The following STK31 variants were observed in gnomAD, a reference collection of about 807,000 sequenced individuals.
STK31 encodes the protein serine/threonine kinase 31, also known as serine/threonine-protein kinase 31.
Under a neutral mutation model 129.7 loss-of-function variants are expected in STK31, and 89 were observed. The ratio of observed to expected loss-of-function variants is 0.69; its 90% CI spans 0.58 to 0.82. STK31 has a LOEUF of 0.82. STK31 is among the 40% of genes least tolerant of loss of function. The probability of loss-of-function intolerance (pLI) is 0.00; values close to 1 mark genes in which losing one functional copy is unlikely to be tolerated. For missense variants in STK31, 1,187 were observed against 1,176.4 expected (o/e 1.01, Z -0.13); for synonymous variants, 448 against 395.3 (o/e 1.13, Z -1.58).
At position 23,777,515 on chromosome 7, in the gene STK31, T is replaced by C. The variant is rs368485376; in HGVS notation, c.1966-3904T>C. ...TGCTTTATGAATCTGGGTGCTCCTG[T>C]ATTGGGTGCATATATATTTAAGACA... On this transcript the variant is annotated intron_variant, in intron 15 of 23. Coordinates refer to ENST00000355870, the MANE Select transcript of STK31 (RefSeq NM_031414.5). Among the ~76,000 whole-genome samples the C allele has an allele frequency of 1.8e-4, 27 of 152,340 alleles. No homozygotes were observed. In the East Asian group the frequency reaches 5.2e-3, roughly 29 times the overall value.
chr7:23,715,386 T>C (rs1786246412), intron 3 of STK31, among the ~76,000 whole-genome samples: 1 of 150,582 alleles, frequency 6.6e-6, no homozygotes, highest in African/African-American at 2.4e-5. Context: ...GGGAGACCTA[T>C]GTGAGAGGAT....
In STK31 at chr7:23,730,872, A is replaced by ATTTTT. The variant is rs1455690740; in HGVS notation, c.483+1624_483+1625insTTTTT. 1.8e-3 allele frequency among the ~76,000 whole-genome samples: 101 copies of ATTTTT among 56,056 alleles called. 1 individual carries two copies. Among genetic ancestry groups the ATTTTT allele is most frequent in the Non-Finnish European group, 2.7e-3 (74 of 27,526 alleles). 36.8% of individuals were successfully genotyped at this position (56,056 alleles called of 152,430 possible). A position where few individuals can be genotyped will look rare whatever the true frequency, so the allele number is the denominator to read the frequency against. On this transcript the variant is annotated intron_variant, in intron 6 of 23. Coordinates refer to ENST00000355870, the MANE Select transcript of STK31 (RefSeq NM_031414.5). Reference sequence around the variant, plus strand: ...TATAAACATTTATATATATATATATATATATATTTTTTTTTTTTTTTTTTG... The same window carrying ATTTTT: ...TATAAACATTTATATATATATATATATTTTTTATATATTTTTTTTTTTTTTTTTTG...
chr7:23,779,168 G>A (rs1790749633), intron 15 of STK31, among the ~76,000 whole-genome samples: 2 of 152,308 alleles, frequency 1.3e-5, no homozygotes, highest in South Asian at 4.1e-4. Context: ...CACCAGTGGA[G>A]ACTGCAGAAC....
rs369682478 is a variant in STK31, at chr7:23,790,854, G to C, written c.2668G>C (p.Gly890Arg). Residue 890 changes from glycine (G) to arginine (R), a missense_variant, in exon 22 of 24, where the codon GGT becomes CGT. Gly to Arg is a moderately radical substitution (Grantham distance 125). Transcript: ENST00000355870. ...GCGAGCCTCGGTGAACATGATGGTT[G>C]GTGACTTGAGTTTGATGTCACCTGA... is the stretch of plus-strand genomic sequence containing the variant. ...SQRASVNMMVGDLSLMSPELK... is the reference protein window; with the variant it reads ...SQRASVNMMVRDLSLMSPELK... 31 of 1,606,672 alleles carry C rather than the reference G, an allele frequency of 1.9e-5. No homozygotes were observed. Among genetic ancestry groups the C allele is most frequent in the Admixed American group, 6.9e-5 (4 of 57,988 alleles).
chr7:23,831,851 C>T (rs754385263), intron 23 of STK31, among the ~76,000 whole-genome samples: 4 of 152,148 alleles, frequency 2.6e-5, no homozygotes, highest in Admixed American at 6.5e-5. Context: ...GTCTTGAACT[C>T]CTGACCGCAG....
chr7:23,741,475 C>T lies in STK31; in HGVS notation c.1017+4397C>T, dbSNP rs186746994. On this transcript the variant is annotated intron_variant, in intron 8 of 23. Transcript: ENST00000355870. ...ATAAATTTTGACGTATGTATACTCT[C>T]ATGTAACCTGAATCACCCTCATCAA... 1.1e-3 allele frequency among the ~76,000 whole-genome samples: 165 copies of T among 152,274 alleles called. 1 individual carries two copies. In the Middle Eastern group the frequency reaches 0.014, roughly 13 times the overall value.
intron 10 of STK31, among the ~76,000 whole-genome samples, chr7:23,758,812 G>T (rs780887722): frequency 6.6e-6 from 1 of 152,080 alleles, no homozygotes; most frequent in Non-Finnish European, 1.5e-5. Context: ...AAATGTAAAT[G>T]GGCCAAATGC....
intron 23 of STK31, among the ~76,000 whole-genome samples, chr7:23,819,895 C>G (rs962782057): frequency 3.3e-5 from 5 of 152,168 alleles, no homozygotes; most frequent in Middle Eastern, 3.4e-3. Flanking sequence ...ATAATGATAG[C>G]AGCAGTAGAG....
intron 8 of STK31, among the ~76,000 whole-genome samples, chr7:23,749,353 T>C (rs1276457819): frequency 6.6e-6 from 1 of 150,520 alleles, no homozygotes; most frequent in African/African-American, 2.4e-5. Context: ...TGTTTTTTTT[T>C]TTTTTTTGAG....
At chr7:23,786,396 A>G in intron 18 of STK31, 112 bp from the exon 19 acceptor site, 1 of 1,152,292 alleles carries the variant, frequency 8.7e-7, no homozygotes, top group Non-Finnish European at 1.1e-6. Flanking sequence ...TTAAAAAATA[A>G]AATTAGATTT....
chr7:23,814,159 T>TTTTTTTTTTTTTTTTTTTTG (rs1374568990), intron 22 of STK31, among the ~76,000 whole-genome samples: 1 of 146,640 alleles, frequency 6.8e-6, no homozygotes. Context: ...ATTTTTTTTT[T>TTTTTTTTTTTTTTTTTTTTG]TTTTTCAGTT....
chr7:23,737,102 A>G (rs749445461), intron 8 of STK31, 24 bp downstream of exon 8: 6 of 1,558,280 alleles, frequency 3.9e-6, no homozygotes, highest in African/African-American at 1.4e-5. Flanking sequence ...CTTAAGGTGA[A>G]GAGTGTCCAA....
At chr7:23,828,696 G>A (rs1416934792) in intron 23 of STK31, among the ~76,000 whole-genome samples, 3 of 152,174 alleles carry the variant, frequency 2.0e-5, no homozygotes, top group South Asian at 2.1e-4. Flanking sequence ...CACGCTGGGA[G>A]CTGTAGACTG....
intron 23 of STK31, among the ~76,000 whole-genome samples, chr7:23,825,280 G>C (rs914995705): frequency 3.1e-4 from 47 of 152,300 alleles, no homozygotes; most frequent in Non-Finnish European, 7.4e-5. Context: ...TTCAGAGCCT[G>C]TTATTGGTCT....
intron 6 of STK31, among the ~76,000 whole-genome samples, chr7:23,730,326 G>C (rs1787327485): frequency 6.6e-6 from 1 of 152,176 alleles, no homozygotes; most frequent in Non-Finnish European, 1.5e-5. Context: ...TGAGAATCTT[G>C]TAGGTGTGTT....
At chr7:23,808,982 T>TGTGTG (rs1230870285) in intron 22 of STK31, among the ~76,000 whole-genome samples, 7 of 149,336 alleles carry the variant, frequency 4.7e-5, no homozygotes, top group African/African-American at 7.6e-5. Context: ...CCTGTGTCTG[T>TGTGTG]TGGCATTTCT....
At chr7:23,789,175 C>T (rs148663859) in intron 21 of STK31, among the ~76,000 whole-genome samples, 68 of 151,736 alleles carry the variant, frequency 4.5e-4, no homozygotes, top group African/African-American at 1.6e-3. Context: ...TGTATGGATG[C>T]ACCACATTTT....
At chr7:23,772,110 T>A in intron 14 of STK31, 37 bp from the exon 15 acceptor site, 2 of 1,441,498 alleles carry the variant, frequency 1.4e-6, no homozygotes, top group African/African-American at 2.9e-5. Context: ...AATACTTTTC[T>A]TATGTGTTTG....
chr7:23,782,244 G>A (rs1186438755), intron 16 of STK31, among the ~76,000 whole-genome samples: 17 of 151,848 alleles, frequency 1.1e-4, no homozygotes, highest in African/African-American at 2.4e-4. Flanking sequence ...AGGCCGAGGC[G>A]GGCGGATCAC....
Sources: allele counts gnomAD v4.1 joint callset (sites outside exome capture counted in the v4.1 genomes callset), GRCh38; gene constraint gnomAD v4.1.1; transcripts MANE v1.5; gene names NCBI Gene and HGNC (gene_info 2026-07-23, HGNC 2026-07-21).